Variants in MOB4 observed in about 807,000 individuals in gnomAD.
MOB4 encodes MOB family member 4, phocein.
A neutral mutation model predicts 32.2 loss-of-function variants in MOB4; 4 were observed. That is an observed-to-expected ratio of 0.12 (90% CI 0.06 to 0.28). The LOEUF is 0.28. Ranked by LOEUF, MOB4 falls within the 10% of genes least tolerant of loss-of-function variation. MOB4 has a pLI of 1.00. For missense variants in MOB4, 158 were observed against 271.2 expected (o/e 0.58, Z 2.93); for synonymous variants, 88 against 88.1 (o/e 1.00, Z 0.01).
At chr2:197,525,286 T>G (rs1054868677) in intron 2 of MOB4, among the ~76,000 whole-genome samples, 2 of 146,070 alleles carry the variant, frequency 1.4e-5, no homozygotes, top group African/African-American at 5.1e-5. Context: ...GCAGTGAGCC[T>G]GCAGTGAGCC....
intron 5 of MOB4, among the ~76,000 whole-genome samples, chr2:197,542,014 C>G (rs986078893): frequency 6.6e-6 from 1 of 152,216 alleles, no homozygotes; most frequent in African/African-American, 2.4e-5. Flanking sequence ...CTGAAGTTGG[C>G]TACTTAACGT....
intron 5 of MOB4, among the ~76,000 whole-genome samples, chr2:197,545,603 TA>T (rs1236779276): frequency 6.6e-6 from 1 of 152,136 alleles, no homozygotes; most frequent in African/African-American, 2.4e-5. Flanking sequence ...TTTTGAATTT[TA>T]AAAAAAGGAA....
intron 2 of MOB4, chr2:197,533,835 A>G (rs1158648165): frequency 8.0e-6 from 5 of 626,696 alleles, no homozygotes; most frequent in Non-Finnish European, 1.5e-5. Context: ...GACTTTTAGA[A>G]TCAAGTGATT....
At chr2:197,531,138 C>G (rs1239317212) in intron 2 of MOB4, among the ~76,000 whole-genome samples, 1 of 151,436 alleles carries the variant, frequency 6.6e-6, no homozygotes, top group African/African-American at 2.4e-5. Flanking sequence ...AGCTCCGCCT[C>G]CCAGGTTCAC....
intron 1 of MOB4, among the ~76,000 whole-genome samples, chr2:197,517,633 CTTA>C (rs907242295): frequency 4.6e-5 from 7 of 151,766 alleles, no homozygotes; most frequent in South Asian, 2.1e-4. Context: ...TAGAAGAAAA[CTTA>C]TTGTCTTTTT....
rs1321509032 is a variant in MOB4, at chr2:197,552,713, A to C, written c.*2067A>C. On this transcript the variant is annotated 3_prime_UTR_variant, in exon 8 of 8. Coordinates refer to ENST00000323303, the MANE Select transcript of MOB4 (RefSeq NM_015387.5). ...ATACTAGGTAAGACCTAAGTGAAACAGTTCCTGTTTTTCCTTAATACTGTT... is the reference window on the plus strand; with the variant it reads ...ATACTAGGTAAGACCTAAGTGAAACCGTTCCTGTTTTTCCTTAATACTGTT... 6.6e-6 allele frequency: 1 copy of C among 152,362 alleles called. No individual in the cohort carries two copies. The highest frequency in any genetic ancestry group is 1.5e-5 in the Non-Finnish European group (1 of 68,036). 9.4% of individuals were successfully genotyped at this position (152,362 alleles called of 1,614,324 possible).
rs528263413 is a variant in MOB4, at chr2:197,521,858, A to G, written c.61-1766A>G. On this transcript the variant is annotated intron_variant, in intron 1 of 7. Coordinates refer to ENST00000323303, the MANE Select transcript of MOB4 (RefSeq NM_015387.5). ...GGTGCCCAGATTTCATATTGTTCAA[A>G]CACACATGCTCTACAGTTTGTGCAG... 3.9e-5 allele frequency among the ~76,000 whole-genome samples: 6 copies of G among 152,250 alleles called. No individual in the cohort carries two copies. The South Asian group carries it at 1.2e-3, about 32-fold the overall frequency.
At chr2:197,523,367 G>A (rs1391081800) in intron 1 of MOB4, among the ~76,000 whole-genome samples, 1 of 152,202 alleles carries the variant, frequency 6.6e-6, no homozygotes, top group Non-Finnish European at 1.5e-5. Flanking sequence ...AGGCTGAGGT[G>A]GGATGATTGC....
rs547752210 is a variant in MOB4 at position 197,534,043 on chromosome 2, A to G, written c.124-1487A>G. 85 of 445,292 alleles carry G rather than the reference A, an allele frequency of 1.9e-4. 1 individual carries two copies. Among genetic ancestry groups the G allele is most frequent in the South Asian group, 1.5e-3 (83 of 53,892 alleles). 27.6% of individuals were successfully genotyped at this position (445,292 alleles called of 1,614,324 possible). A position where few individuals can be genotyped will look rare whatever the true frequency, so the allele number is the denominator to read the frequency against. ...ATCATGTCACCATATCAAGCTGAAA[A>G]TGTCACCATCATCTGGACAGTTGTA... On this transcript the variant is annotated intron_variant, in intron 2 of 7. Coordinates refer to ENST00000323303, the MANE Select transcript of MOB4 (RefSeq NM_015387.5).
intron 1 of MOB4, among the ~76,000 whole-genome samples, chr2:197,517,751 A>C (rs1442787635): frequency 6.6e-6 from 1 of 152,218 alleles, no homozygotes; most frequent in Non-Finnish European, 1.5e-5. Flanking sequence ...CTTGTTTATC[A>C]CATGAATTTC....
At chr2:197,528,616 C>CTTTTTTTTTT (rs60927398) in intron 2 of MOB4, among the ~76,000 whole-genome samples, 1 of 131,686 alleles carries the variant, frequency 7.6e-6, no homozygotes, top group Non-Finnish European at 1.6e-5. Context: ...TTTTCTTTTT[C>CTTTTTTTTTT]TTTTTTTTTT....
Position 197,546,227 on chromosome 2 carries a change from A to G in MOB4, c.355-2109A>G, listed in dbSNP as rs1476328866. Reference sequence around the variant, plus strand: ...CAGGTGCCTGCCACTGCGCACAGCTAATTTTTTGTATTTTTAGTAGAGATG... The same window carrying G: ...CAGGTGCCTGCCACTGCGCACAGCTGATTTTTTGTATTTTTAGTAGAGATG... On this transcript the variant is annotated intron_variant, in intron 5 of 7. Coordinates refer to ENST00000323303, the MANE Select transcript of MOB4 (RefSeq NM_015387.5). 5.4e-4 allele frequency among the ~76,000 whole-genome samples: 82 copies of G among 150,808 alleles called. 1 individual carries two copies. Among genetic ancestry groups the G allele is most frequent in the Admixed American group, 5.4e-3 (82 of 15,112 alleles).
At chr2:197,516,851 GTGCT>G (rs1315383478) in intron 1 of MOB4, 2 of 400,318 alleles carry the variant, frequency 5.0e-6, no homozygotes, top group African/African-American at 4.2e-5. Context: ...TGGTAAATTG[GTGCT>G]TGATTAGGCA....
chr2:197,544,046 C>A (rs530415278), intron 5 of MOB4, among the ~76,000 whole-genome samples: 3 of 149,502 alleles, frequency 2.0e-5, no homozygotes, highest in African/African-American at 4.9e-5. Context: ...AGCCGAGTTT[C>A]TTTCTTTTTT....
chr2:197,549,739 C>T (rs1455865769), intron 6 of MOB4, among the ~76,000 whole-genome samples: 3 of 151,322 alleles, frequency 2.0e-5, no homozygotes, highest in South Asian at 2.1e-4. Context: ...CTAGTAGAGA[C>T]GGGGTTTCAC....
chr2:197,540,498 C>A, intron 5 of MOB4, 61 bp downstream of exon 5: 1 of 1,414,096 alleles, frequency 7.1e-7, no homozygotes, highest in South Asian at 1.6e-5. Context: ...TCTCTCAAGA[C>A]AATGTTAGAC....
At chr2:197,541,304 G>C (rs1163382151) in intron 5 of MOB4, among the ~76,000 whole-genome samples, 2 of 152,046 alleles carry the variant, frequency 1.3e-5, no homozygotes, top group Non-Finnish European at 2.9e-5. Context: ...GGTTGTTTAT[G>C]CATTGCTTTT....
chr2:197,544,764 A>AT (rs1559324370), intron 5 of MOB4, among the ~76,000 whole-genome samples: 1 of 151,898 alleles, frequency 6.6e-6, no homozygotes, highest in African/African-American at 2.4e-5. Flanking sequence ...AAAAAAAAAA[A>AT]AGGGTCAAAA....
chr2:197,528,664 G>C (rs770925215), intron 2 of MOB4, among the ~76,000 whole-genome samples: 2 of 144,392 alleles, frequency 1.4e-5, no homozygotes, highest in African/African-American at 2.6e-5. Context: ...CTCCCAGGCT[G>C]GAGTGCAGTG....
Sources: gnomAD v4.1 joint callset for allele counts (sites outside exome capture counted in the v4.1 genomes callset) on GRCh38, gnomAD v4.1.1 for gene constraint, MANE v1.5 for transcripts, NCBI Gene and HGNC (gene_info 2026-07-23, HGNC 2026-07-21) for gene names.